RUFY4: variants seen among roughly 807,000 people sequenced by gnomAD.
The protein encoded by RUFY4 is RUN and FYVE domain containing 4.
Under a neutral mutation model 69.0 loss-of-function variants are expected in RUFY4, and 73 were observed. The ratio of observed to expected loss-of-function variants is 1.06; its 90% confidence interval spans 0.88 to 1.29. RUFY4 has a LOEUF of 1.29. Ranked by LOEUF, RUFY4 falls within the 50% of genes most tolerant of loss-of-function variation. The probability of loss-of-function intolerance (pLI) is 0.00; values close to 1 mark genes in which losing one functional copy is unlikely to be tolerated. For synonymous variants in RUFY4, 287 were observed against 271.8 expected, an observed-to-expected ratio of 1.06 and a Z score of -0.55; for missense variants, 770 against 705.6, an observed-to-expected ratio of 1.09 and a Z score of -1.03.
At chr2:218,060,935 G>A in intron 3 of RUFY4, 1 of 911,586 alleles carries the variant, frequency 1.1e-6, no homozygotes, top group East Asian at 2.4e-5. Flanking sequence ...ATATGAACTT[G>A]ACCAAGTGGC....
At chr2:218,055,930 GCTAT>G (rs1689051311) in intron 2 of RUFY4, among the ~76,000 whole-genome samples, 1 of 152,162 alleles carries the variant, frequency 6.6e-6, no homozygotes, top group Non-Finnish European at 1.5e-5. Flanking sequence ...ACAGGATAAT[GCTAT>G]CATTAAAATT....
chr2:218,061,434 G>T, intron 3 of RUFY4: 1 of 220,932 alleles, frequency 4.5e-6, no homozygotes, highest in East Asian at 1.1e-4. Flanking sequence ...CTTAAATCCT[G>T]GCCTATAGAA....
chr2:218,074,416 G>A (rs990222550), intron 6 of RUFY4, among the ~76,000 whole-genome samples: 8 of 152,114 alleles, frequency 5.3e-5, no homozygotes, highest in South Asian at 2.1e-4. Flanking sequence ...CTGGCTACAC[G>A]CTCCCCGCAT....
intron 2 of RUFY4, among the ~76,000 whole-genome samples, chr2:218,053,733 C>T (rs1044410756): frequency 2.0e-5 from 3 of 151,676 alleles, no homozygotes; most frequent in African/African-American, 7.3e-5. Flanking sequence ...CTCCTGACTT[C>T]GTGATCCGCC....
chr2:218,071,812 A>G (rs762689836), intron 2 of RUFY4, among the ~76,000 whole-genome samples: 8 of 152,038 alleles, frequency 5.3e-5, no homozygotes, highest in Non-Finnish European at 1.0e-4. Context: ...AGAGGATGAG[A>G]TCCCCCTGGA....
At chr2:218,067,177 C>G (rs1402794715), upstream of RUFY4, among the ~76,000 whole-genome samples, 1 of 152,240 alleles carries the variant, frequency 6.6e-6, no homozygotes, top group African/African-American at 2.4e-5. Flanking sequence ...ACTTAGCCCC[C>G]TCCCTGGCTC....
chr2:218,089,419 C>T, intron 10 of RUFY4, 57 bp downstream of exon 12: 6 of 1,454,612 alleles, frequency 4.1e-6, no homozygotes, highest in Middle Eastern at 1.7e-4. Context: ...CACCAGCTGA[C>T]AGCCCCCACC....
At chr2:218,072,331 G>C (rs956736325) in intron 2 of RUFY4, 43 bp from the exon 5 acceptor site, 2 of 1,533,130 alleles carry the variant, frequency 1.3e-6, no homozygotes, top group Non-Finnish European at 1.7e-6. Context: ...CGTGTTCTGG[G>C]AGGAAGCATT....
At chr2:218,081,645 C>A in intron 8 of RUFY4, among the ~76,000 whole-genome samples, 1 of 152,176 alleles carries the variant, frequency 6.6e-6, no homozygotes, top group East Asian at 1.9e-4. Context: ...ACATTAAGGG[C>A]CCAGGATCAC....
In RUFY4 at chr2:218,073,276, C is replaced by T. The variant is rs551024765; in HGVS notation, c.420C>T (p.Cys140=). 5 of 1,552,864 alleles carry T rather than the reference C, an allele frequency of 3.2e-6. No homozygotes were observed. In the African/African-American group the frequency reaches 5.5e-5, roughly 17 times the overall value. Residue 140 remains cysteine, a synonymous_variant, in exon 5 of 11, where the codon TGC becomes TGT. Transcript: ENST00000344321. Reference sequence around the variant, plus strand: ...ATGGACCCCGGAGCCCTCTGCTCTGCCCAGAACGCCAAGAAGACATCCTGG... The same window carrying T: ...ATGGACCCCGGAGCCCTCTGCTCTGTCCAGAACGCCAAGAAGACATCCTGG...
chr2:218,041,882 A>G (rs1688705364), intron 2 of RUFY4, among the ~76,000 whole-genome samples: 1 of 152,194 alleles, frequency 6.6e-6, no homozygotes, highest in South Asian at 2.1e-4. Context: ...TCATCCTTTC[A>G]GCAAGCTAAG....
upstream of RUFY4, chr2:218,065,664 C>T (rs62183865): frequency 0.25 from 37,664 of 152,450 alleles, 5,797 homozygotes; most frequent in East Asian, 0.39. Context: ...AAGCAGGGAG[C>T]GGGATGCAAG....
Position 218,073,898 on chromosome 2 carries a change from T to C in RUFY4, c.600+13T>C. On this transcript the variant is annotated intron_variant, in intron 6 of 10. Coordinates refer to ENST00000344321, the Ensembl canonical transcript of RUFY4. ...TGCCCCAAAGAAGGTGCCTCTGCCCTGCCTTCACTCTGAGTTGCCTCTTCC... is the reference window on the plus strand; with the variant it reads ...TGCCCCAAAGAAGGTGCCTCTGCCCCGCCTTCACTCTGAGTTGCCTCTTCC... 8 of 1,613,644 alleles carry C rather than the reference T, an allele frequency of 5.0e-6. No homozygotes were observed. The highest frequency in any genetic ancestry group is 6.8e-6 in the Non-Finnish European group (8 of 1,179,666).
upstream of RUFY4, chr2:218,070,207 A>C (rs1689451205): frequency 3.7e-6 from 1 of 273,814 alleles, no homozygotes; most frequent in Non-Finnish European, 7.3e-6. Context: ...CCCTGTGGGC[A>C]CAGACACCTG....
In RUFY4 at chr2:218,083,186, TACCAGG is replaced by T; in HGVS notation, c.1434_1439del (p.Tyr478_Glu480delinsTer). ...GGAGGCTGAGAGGAGGGATGCCATG[TACCAGG>T]AGGAGCTTGGAGGGCAGCGGGACTT... On this transcript the variant is annotated stop_gained and inframe_deletion, in exon 9 of 11. Coordinates refer to ENST00000344321, the Ensembl canonical transcript of RUFY4. LOFTEE classifies it high-confidence loss of function. 6.2e-7 allele frequency: 1 copy of T among 1,613,486 alleles called. No individual in the cohort carries two copies. The highest frequency in any genetic ancestry group is 8.5e-7 in the Non-Finnish European group (1 of 1,179,674).
At chr2:218,062,067 G>T (rs1689207658) in intron 3 of RUFY4, among the ~76,000 whole-genome samples, 1 of 152,200 alleles carries the variant, frequency 6.6e-6, no homozygotes, top group African/African-American at 2.4e-5. Flanking sequence ...AAGGAGGCCT[G>T]CTCTGGGAAT....
In RUFY4 at chr2:218,075,332, AG is replaced by A; in HGVS notation, c.841del (p.Ala281ProfsTer29). 6.2e-7 allele frequency: 1 copy of A among 1,611,020 alleles called. No homozygotes were observed. Among genetic ancestry groups the A allele is most frequent in the Non-Finnish European group, 8.5e-7 (1 of 1,178,730 alleles). ...AGCTTCAGCTAGACCAGGAGGAAAG[AG>A]CCCCATGGATTGAGATCTTCCTGGG... On this transcript the variant is annotated frameshift_variant, in exon 7 of 11. Transcript: ENST00000344321. LOFTEE classifies it high-confidence loss of function.
chr2:218,051,169 A>C (rs1450166369), intron 2 of RUFY4, among the ~76,000 whole-genome samples: 1 of 152,196 alleles, frequency 6.6e-6, no homozygotes, highest in Non-Finnish European at 1.5e-5. Context: ...CCATTTCTAA[A>C]TAAGATAAAA....
chr2:218,067,483 G>T (rs1689368413), upstream of RUFY4, among the ~76,000 whole-genome samples: 3 of 152,164 alleles, frequency 2.0e-5, no homozygotes, highest in Admixed American at 2.0e-4. Flanking sequence ...TCTAGTGAGG[G>T]CCCAGGTGAT....
Sources: gnomAD v4.1 joint callset for allele counts (sites outside exome capture counted in the v4.1 genomes callset) on GRCh38, gnomAD v4.1.1 for gene constraint, MANE v1.5 for transcripts, NCBI Gene and HGNC (gene_info 2026-07-23, HGNC 2026-07-21) for gene names.